The following TMTC3 variants were observed in gnomAD, a reference collection of about 807,000 sequenced individuals.
TMTC3 encodes the protein transmembrane O-mannosyltransferase targeting cadherins 3, also known as protein O-mannosyl-transferase TMTC3.
A neutral mutation model predicts 92.2 loss-of-function variants in TMTC3; 52 were observed. The ratio of observed to expected loss-of-function variants is 0.56; its 90% confidence interval spans 0.45 to 0.71. The LOEUF (loss-of-function observed/expected upper bound fraction) is 0.71. Among genes scored for constraint, TMTC3 ranks in the 30% least tolerant of loss-of-function variants. The pLI, the probability that TMTC3 is intolerant of heterozygous loss-of-function variation, is 0.00. For missense variants in TMTC3, 896 were observed against 1,057.1 expected (o/e 0.85, Z 2.11); for synonymous variants, 339 against 363.3 (o/e 0.93, Z 0.76).
At chr12:88,192,028 C>CTTTTTTTTTTTTTTTTTTTTTTTTTTTT (rs112229647) in intron 12 of TMTC3, among the ~76,000 whole-genome samples, 1 of 123,030 alleles carries the variant, frequency 8.1e-6, no homozygotes, top group African/African-American at 3.0e-5. Flanking sequence ...TTTTTTTTTT[C>CTTTTTTTTTTTTTTTTTTTTTTTTTTTT]TTTTTTTTTT....
chr12:88,184,287 G>C (rs1387083069), intron 10 of TMTC3, among the ~76,000 whole-genome samples: 3 of 152,158 alleles, frequency 2.0e-5, no homozygotes. Context: ...CCCAAGTAGA[G>C]AGCAGTCCTG....
In TMTC3 at chr12:88,198,764, A is replaced by G. The variant is rs1480984647; in HGVS notation, c.*3115A>G. 2 of 180,836 alleles carry G rather than the reference A, an allele frequency of 1.1e-5. No homozygotes were observed. Among genetic ancestry groups the G allele is most frequent in the African/African-American group, 2.3e-5 (1 of 42,760 alleles). The allele number at this position is 180,836 out of a possible 1,614,324, so 11.2% of individuals were successfully genotyped here. On this transcript the variant is annotated 3_prime_UTR_variant, in exon 14 of 14. Transcript: ENST00000266712. The stretch of plus-strand genomic sequence containing the variant: ...GTATTAAGAAAATATATAGATTTGT[A>G]TGTCAGTTTATACTTCAGAAATCCA...
In TMTC3 at chr12:88,195,981, C is replaced by T. The variant is rs2041508248; in HGVS notation, c.*332C>T. ...TAATTTTGAGGCCTGAATGATAATC[C>T]CTTGAGGACAAATCCAACATGTGCT... On this transcript the variant is annotated 3_prime_UTR_variant, in exon 14 of 14. Coordinates refer to ENST00000266712, the MANE Select transcript of TMTC3 (RefSeq NM_181783.4). 1.1e-5 allele frequency: 2 copies of T among 177,872 alleles called. No individual in the cohort carries two copies. The highest frequency in any genetic ancestry group is 2.4e-5 in the Non-Finnish European group (2 of 84,860). The allele number at this position is 177,872 out of a possible 1,614,324, so 11.0% of individuals were successfully genotyped here. A position where few individuals can be genotyped will look rare whatever the true frequency, so the allele number is the denominator to read the frequency against.
chr12:88,159,351 G>A (rs986697765), intron 4 of TMTC3, among the ~76,000 whole-genome samples: 2 of 152,082 alleles, frequency 1.3e-5, no homozygotes, highest in African/African-American at 4.8e-5. Context: ...TTATTTAAGT[G>A]CCTATTGTTA....
In TMTC3 at chr12:88,160,180, T is replaced by C. The variant is rs757483009; in HGVS notation, c.575T>C (p.Ile192Thr). Residue 192 changes from isoleucine (I) to threonine (T), a missense_variant, in exon 5 of 14, where the codon ATA becomes ACA. By Grantham distance (89) the Ile-to-Thr change is moderately conservative. Coordinates refer to ENST00000266712, the MANE Select transcript of TMTC3 (RefSeq NM_181783.4). ...AVATLCKEQGITVVGICCVYE... is the reference protein window; with the variant it reads ...AVATLCKEQGTTVVGICCVYE... ...GCAACATTATGTAAAGAACAAGGAA[T>C]AACAGTTGTAGGAATTTGCTGTGTG... 6.3e-7 allele frequency: 1 copy of C among 1,590,432 alleles called. No individual in the cohort carries two copies. The highest frequency in any genetic ancestry group is 8.5e-7 in the Non-Finnish European group (1 of 1,170,652).
chr12:88,150,257 G>T (rs964852726), intron 2 of TMTC3, among the ~76,000 whole-genome samples: 8 of 152,066 alleles, frequency 5.3e-5, no homozygotes, highest in Admixed American at 1.3e-4. Context: ...ACGGTGGGAG[G>T]TGCTACACAG....
intron 2 of TMTC3, among the ~76,000 whole-genome samples, chr12:88,152,099 G>A (rs896335401): frequency 3.9e-5 from 6 of 152,286 alleles, no homozygotes; most frequent in Admixed American, 1.3e-4. Flanking sequence ...ATATGGATGC[G>A]TATATTAGTC....
intron 7 of TMTC3, among the ~76,000 whole-genome samples, chr12:88,168,625 G>A (rs981986550): frequency 6.6e-6 from 1 of 152,148 alleles, no homozygotes; most frequent in Admixed American, 6.5e-5. Flanking sequence ...TGGCTTGCAG[G>A]AACATATTTA....
chr12:88,170,809 G>A (rs898194771), intron 7 of TMTC3, among the ~76,000 whole-genome samples: 2 of 152,098 alleles, frequency 1.3e-5, no homozygotes, highest in Non-Finnish European at 2.9e-5. Context: ...TCCTAATAAC[G>A]ACCAAACTTA....
chr12:88,177,497 G>T (rs970600238), intron 10 of TMTC3, among the ~76,000 whole-genome samples: 1 of 152,130 alleles, frequency 6.6e-6, no homozygotes, highest in Non-Finnish European at 1.5e-5. Context: ...AATCTAAGCT[G>T]GTTAAGAAGG....
Position 88,197,388 on chromosome 12 carries a change from G to A in TMTC3, c.*1739G>A, listed in dbSNP as rs923486535. ...GCCTAATTTCAGTTCTTAGGTTATGGCTTGTGACTCCAGATAAAAGATGGA... is the reference window on the plus strand; with the variant it reads ...GCCTAATTTCAGTTCTTAGGTTATGACTTGTGACTCCAGATAAAAGATGGA... On this transcript the variant is annotated 3_prime_UTR_variant, in exon 14 of 14. Coordinates refer to ENST00000266712, the MANE Select transcript of TMTC3 (RefSeq NM_181783.4). 1 of 151,192 alleles carries A rather than the reference G, an allele frequency of 6.6e-6. No homozygotes were observed. The highest frequency in any genetic ancestry group is 1.5e-5 in the Non-Finnish European group (1 of 67,624). 9.4% of individuals were successfully genotyped at this position (151,192 alleles called of 1,614,324 possible). A position where few individuals can be genotyped will look rare whatever the true frequency, so the allele number is the denominator to read the frequency against.
At chr12:88,147,832 T>C (rs981922117) in intron 1 of TMTC3, among the ~76,000 whole-genome samples, 1 of 152,176 alleles carries the variant, frequency 6.6e-6, no homozygotes, top group Admixed American at 6.5e-5. Flanking sequence ...CAGAAGCTTT[T>C]AGAATCCTAT....
rs1411982503 is a variant in TMTC3, at chr12:88,196,508, C to CT, written c.*862dup. 2 of 152,030 alleles carry CT rather than the reference C, an allele frequency of 1.3e-5. No homozygotes were observed. The highest frequency in any genetic ancestry group is 4.8e-5 in the African/African-American group (2 of 41,508). The allele number at this position is 152,030 out of a possible 1,614,324, so 9.4% of individuals were successfully genotyped here. On this transcript the variant is annotated 3_prime_UTR_variant, in exon 14 of 14. Coordinates refer to ENST00000266712, the MANE Select transcript of TMTC3 (RefSeq NM_181783.4). ...TTGAGTTATAACGTAGTAAACTTCTCTTTCATCTTTGTGTTAGCTCTGTAG... is the reference window on the plus strand; with the variant it reads ...TTGAGTTATAACGTAGTAAACTTCTCTTTTCATCTTTGTGTTAGCTCTGTAG...
rs1668746884 is a variant in TMTC3, at chr12:88,199,319, C to CAAGT, written c.*3671_*3674dup. On this transcript the variant is annotated 3_prime_UTR_variant, in exon 14 of 14. Transcript: ENST00000266712. Reference sequence around the variant, plus strand: ...TATATGTCCTCAGTTTCTTCATCTACAAGTTGGGAAAAACATTTTCCTCTT... The same window carrying CAAGT: ...TATATGTCCTCAGTTTCTTCATCTACAAGTAAGTTGGGAAAAACATTTTCCTCTT... 6.6e-6 allele frequency: 1 copy of CAAGT among 151,874 alleles called. No homozygotes were observed. The highest frequency in any genetic ancestry group is 1.5e-5 in the Non-Finnish European group (1 of 67,940). The allele number at this position is 151,874 out of a possible 1,614,324, so 9.4% of individuals were successfully genotyped here.
In TMTC3 at chr12:88,158,321, A is replaced by G. The variant is rs554701826; in HGVS notation, c.509-1793A>G. 5.1e-4 allele frequency among the ~76,000 whole-genome samples: 78 copies of G among 151,828 alleles called. 1 individual carries two copies. The highest frequency in any genetic ancestry group is 9.9e-4 in the Non-Finnish European group (67 of 67,910). ...TTTATTTCTACATCCACCTTTCCCAATTTTTCCATGGCTTCTATATCCTTC... is the reference window on the plus strand; with the variant it reads ...TTTATTTCTACATCCACCTTTCCCAGTTTTTCCATGGCTTCTATATCCTTC... On this transcript the variant is annotated intron_variant, in intron 4 of 13. Coordinates refer to ENST00000266712, the MANE Select transcript of TMTC3 (RefSeq NM_181783.4).
At chr12:88,177,408 T>C (rs1010350352) in intron 10 of TMTC3, among the ~76,000 whole-genome samples, 1 of 152,136 alleles carries the variant, frequency 6.6e-6, no homozygotes, top group African/African-American at 2.4e-5. Flanking sequence ...AAAATTCTGT[T>C]AAATAGGATT....
intron 10 of TMTC3, among the ~76,000 whole-genome samples, chr12:88,178,961 A>T (rs1442009128): frequency 6.6e-6 from 1 of 152,208 alleles, no homozygotes; most frequent in Non-Finnish European, 1.5e-5. Context: ...TGTTGCAGAC[A>T]TGGACACTCA....
rs2041561296 is a variant in TMTC3 at position 88,199,789 on chromosome 12, A to G, written c.*4140A>G. ...TTTGTAACTCACTTTCTTCGTCAAC[A>G]TTTCTGTGACTCAATGGATAGCATA... On this transcript the variant is annotated 3_prime_UTR_variant, in exon 14 of 14. Coordinates refer to ENST00000266712, the MANE Select transcript of TMTC3 (RefSeq NM_181783.4). 6.6e-6 allele frequency: 1 copy of G among 152,156 alleles called. No homozygotes were observed. Among genetic ancestry groups the G allele is most frequent in the Non-Finnish European group, 1.5e-5 (1 of 68,030 alleles). 9.4% of individuals were successfully genotyped at this position (152,156 alleles called of 1,614,324 possible). A position where few individuals can be genotyped will look rare whatever the true frequency, so the allele number is the denominator to read the frequency against.
intron 11 of TMTC3, among the ~76,000 whole-genome samples, chr12:88,189,301 C>G (rs1192154839): frequency 6.6e-6 from 1 of 151,974 alleles, no homozygotes; most frequent in East Asian, 1.9e-4. Flanking sequence ...ACCATATTGG[C>G]CAGGCTGGTC....
Sources: allele counts gnomAD v4.1 joint callset (sites outside exome capture counted in the v4.1 genomes callset), GRCh38; gene constraint gnomAD v4.1.1; transcripts MANE v1.5; gene names NCBI Gene and HGNC (gene_info 2026-07-23, HGNC 2026-07-21).